Variants in OXR1 observed in about 807,000 individuals in gnomAD.
OXR1 encodes oxidation resistance protein 1.
OXR1 carries 41 observed loss-of-function variants against 104.6 expected under a neutral mutation model. The observed-to-expected ratio is 0.39, with a 90% CI of 0.31 to 0.51. OXR1 has a LOEUF of 0.51. Ranked by LOEUF, OXR1 falls within the 20% of genes least tolerant of loss-of-function variation. The probability of loss-of-function intolerance (pLI) is 0.77; values close to 1 mark genes in which losing one functional copy is unlikely to be tolerated. For synonymous variants in OXR1, 348 were observed against 348.4 expected (o/e 1.00, Z 0.01); for missense variants, 955 against 1,031.9 (o/e 0.93, Z 1.02).
chr8:106,689,798 T>C (rs903025651), intron 6 of OXR1, among the ~76,000 whole-genome samples: 1 of 151,946 alleles, frequency 6.6e-6, no homozygotes, highest in Non-Finnish European at 1.5e-5. Context: ...CATAATTAAT[T>C]GGCATCTTGA....
intron 1 of OXR1, among the ~76,000 whole-genome samples, chr8:106,298,444 G>A (rs1847338): frequency 0.52 from 79,013 of 151,938 alleles, 21,731 homozygotes; most frequent in African/African-American, 0.7. Context: ...CCATGATTCA[G>A]TTACCTCCCA....
chr8:106,416,041 CA>C (rs1165129142), intron 2 of OXR1, among the ~76,000 whole-genome samples: 1 of 151,974 alleles, frequency 6.6e-6, no homozygotes, highest in African/African-American at 2.4e-5. Context: ...AGCTTACAGC[CA>C]AAGGATCAGA....
chr8:106,433,520 G>A (rs1819445773), intron 2 of OXR1, among the ~76,000 whole-genome samples: 2 of 152,112 alleles, frequency 1.3e-5, no homozygotes, highest in South Asian at 2.1e-4. Flanking sequence ...TTTGGAAAAG[G>A]GCTGTTATCA....
At position 106,519,060 on chromosome 8, in the gene OXR1, TGAA is replaced by T. The variant is rs1168022287; in HGVS notation, c.147_149del (p.Glu50del). 13 of 1,551,866 alleles carry T rather than the reference TGAA, an allele frequency of 8.4e-6. No homozygotes were observed. The highest frequency in any genetic ancestry group is 2.0e-5 in the Admixed American group (1 of 50,968). ...CCCCGGCACCCAAGACCCCCATCAT[TGAA>T]GAAGAGCAGAACAATGCAGCAAATA... is the stretch of plus-strand genomic sequence containing the variant. On this transcript the variant is annotated inframe_deletion, in exon 3 of 17. Transcript: ENST00000517566.
chr8:106,408,060 G>A (rs1254370886), intron 2 of OXR1, among the ~76,000 whole-genome samples: 1 of 152,144 alleles, frequency 6.6e-6, no homozygotes, highest in African/African-American at 2.4e-5. Context: ...AGTACCTAGT[G>A]GGTGCAGGCC....
chr8:106,316,601 T>C (rs932249484), intron 1 of OXR1, among the ~76,000 whole-genome samples: 1 of 152,194 alleles, frequency 6.6e-6, no homozygotes, highest in Non-Finnish European at 1.5e-5. Flanking sequence ...CCTGTAAAGA[T>C]TAAATGTTGA....
chr8:106,310,646 T>A (rs1813662585), intron 1 of OXR1, among the ~76,000 whole-genome samples: 1 of 152,264 alleles, frequency 6.6e-6, no homozygotes, highest in Non-Finnish European at 1.5e-5. Flanking sequence ...AATGCCTTTA[T>A]TCTAATCTCA....
At chr8:106,271,997 T>C (rs1426980165) in intron 1 of OXR1, 1 of 152,182 alleles carries the variant, frequency 6.6e-6, no homozygotes, top group Middle Eastern at 3.1e-3. Context: ...GGAAGCACGA[T>C]GGCTCCAAAA....
chr8:106,324,956 G>GTC (rs1814404439), intron 1 of OXR1, among the ~76,000 whole-genome samples: 1 of 152,144 alleles, frequency 6.6e-6, no homozygotes, highest in African/African-American at 2.4e-5. Context: ...TAGAATCCTG[G>GTC]TCGTTCAACT....
chr8:106,351,504 T>C (rs1815724676), intron 1 of OXR1, among the ~76,000 whole-genome samples: 1 of 151,964 alleles, frequency 6.6e-6, no homozygotes, highest in South Asian at 2.1e-4. Context: ...AAAGAGAAAA[T>C]AGCACATCAA....
chr8:106,420,023 G>A (rs1477366882), intron 2 of OXR1, among the ~76,000 whole-genome samples: 4 of 152,112 alleles, frequency 2.6e-5, no homozygotes, highest in African/African-American at 9.7e-5. Flanking sequence ...TTTATGTAAA[G>A]AGGAGGAAAA....
At chr8:106,726,126 A>C in intron 11 of OXR1, 1 of 1,409,808 alleles carries the variant, frequency 7.1e-7, no homozygotes, top group South Asian at 1.5e-5. Context: ...TCTCTAGCAA[A>C]CTGTTTTGTC....
chr8:106,554,491 A>G (rs1816113054), intron 3 of OXR1, among the ~76,000 whole-genome samples: 1 of 152,194 alleles, frequency 6.6e-6, no homozygotes, highest in Non-Finnish European at 1.5e-5. Context: ...ATATTCAAAT[A>G]AGACCGGTAG....
chr8:106,569,329 T>C (rs1033418400), intron 3 of OXR1, among the ~76,000 whole-genome samples: 1 of 152,188 alleles, frequency 6.6e-6, no homozygotes, highest in Non-Finnish European at 1.5e-5. Context: ...CTACTCACAA[T>C]TTAGGGAATC....
intron 2 of OXR1, among the ~76,000 whole-genome samples, chr8:106,380,891 G>T (rs931362232): frequency 6.6e-6 from 1 of 152,062 alleles, no homozygotes; most frequent in African/African-American, 2.4e-5. Flanking sequence ...GAAGTTTTTT[G>T]GGATGAAGAT....
chr8:106,443,560 T>G (rs1387947979), intron 2 of OXR1, among the ~76,000 whole-genome samples: 1 of 152,176 alleles, frequency 6.6e-6, no homozygotes, highest in Non-Finnish European at 1.5e-5. Flanking sequence ...TTTATAGGTC[T>G]CTAAGAACTT....
intron 3 of OXR1, among the ~76,000 whole-genome samples, chr8:106,678,900 A>T (rs1440706658): frequency 6.6e-6 from 1 of 152,098 alleles, no homozygotes; most frequent in African/African-American, 2.4e-5. Flanking sequence ...TGTTGGTATT[A>T]TAATCAGGTT....
chr8:106,590,875 G>A (rs1330157016), intron 3 of OXR1, among the ~76,000 whole-genome samples: 3 of 152,148 alleles, frequency 2.0e-5, no homozygotes, highest in Non-Finnish European at 4.4e-5. Flanking sequence ...TGTTCACCCC[G>A]ATAGCCAGGT....
intron 2 of OXR1, among the ~76,000 whole-genome samples, chr8:106,490,665 T>C (rs2444321): frequency 0.11 from 16,228 of 152,146 alleles, 943 homozygotes; most frequent in African/African-American, 0.14. Context: ...TGAACCCAGC[T>C]GGATGCACTA....
Sources: allele counts gnomAD v4.1 joint callset (sites outside exome capture counted in the v4.1 genomes callset), GRCh38; gene constraint gnomAD v4.1.1; transcripts MANE v1.5; gene names NCBI Gene and HGNC (gene_info 2026-07-23, HGNC 2026-07-21).